Variants in MTRF1 observed in about 807,000 individuals in gnomAD.
MTRF1 encodes peptide chain release factor 1, mitochondrial.
MTRF1 carries 51 observed loss-of-function variants against 62.9 expected under a neutral mutation model. That is an observed-to-expected ratio of 0.81 (90% CI 0.65 to 1.02). The LOEUF (loss-of-function observed/expected upper bound fraction) is 1.02. MTRF1 is among the 50% of genes least tolerant of loss of function. The pLI is 0.00. For missense variants in MTRF1, 446 were observed against 530.0 expected (o/e 0.84, Z 1.56); for synonymous variants, 158 against 181.9 (o/e 0.87, Z 1.06).
At chr13:41,240,558 G>A (rs1308328926) in intron 5 of MTRF1, 125 bp from the exon 6 acceptor site, 7 of 713,274 alleles carry the variant, frequency 9.8e-6, no homozygotes, top group Non-Finnish European at 4.1e-6. Flanking sequence ...TAAAGCATGG[G>A]AGAACGAGGG....
chr13:41,238,868 C>T (rs1566106613), intron 6 of MTRF1, among the ~76,000 whole-genome samples: 1 of 151,994 alleles, frequency 6.6e-6, no homozygotes, highest in African/African-American at 2.4e-5. Context: ...GTAACCTGCA[C>T]AGAATGGAAC....
At chr13:41,284,625 C>A in the MTRF1 span, among the ~76,000 whole-genome samples, 1 of 151,782 alleles carries the variant, frequency 6.6e-6, no homozygotes, top group Non-Finnish European at 1.5e-5. Flanking sequence ...TCAACAGGCT[C>A]TAAATTAATT....
intron 6 of MTRF1, among the ~76,000 whole-genome samples, chr13:41,238,834 A>G (rs2037093542): frequency 6.6e-6 from 1 of 152,220 alleles, no homozygotes; most frequent in Non-Finnish European, 1.5e-5. Flanking sequence ...AACTGCACCT[A>G]TGAAGTATTC....
chr13:41,276,531 T>A, the MTRF1 span, among the ~76,000 whole-genome samples: 71 of 152,292 alleles, frequency 4.7e-4, no homozygotes, highest in Middle Eastern at 3.4e-3. Flanking sequence ...GCTGGGGTCA[T>A]CTTTTAGTTA....
the MTRF1 span, among the ~76,000 whole-genome samples, chr13:41,270,762 C>T: frequency 1.6e-4 from 24 of 149,570 alleles, no homozygotes; most frequent in South Asian, 1.1e-3. Flanking sequence ...TTTTTTGAGA[C>T]GAAATTTCAC....
At chr13:41,278,951 G>A in the MTRF1 span, among the ~76,000 whole-genome samples, 1 of 151,920 alleles carries the variant, frequency 6.6e-6, no homozygotes, top group Non-Finnish European at 1.5e-5. Flanking sequence ...CCTCCTTTTC[G>A]GAATTACTGA....
At chr13:41,273,288 T>C in the MTRF1 span, among the ~76,000 whole-genome samples, 24 of 149,124 alleles carry the variant, frequency 1.6e-4, no homozygotes, top group Non-Finnish European at 2.4e-4. Context: ...ATCGCGCCAC[T>C]GCACTCCAGC....
At chr13:41,263,675 C>T (rs906873534), upstream of MTRF1, 1 of 159,574 alleles carries the variant, frequency 6.3e-6, no homozygotes, top group Non-Finnish European at 1.4e-5. Flanking sequence ...GCATGCCTAA[C>T]AATGGACTAA....
At chr13:41,225,680 G>A (rs137956201) in intron 8 of MTRF1, among the ~76,000 whole-genome samples, 51 of 151,570 alleles carry the variant, frequency 3.4e-4, no homozygotes, top group African/African-American at 1.1e-3. Flanking sequence ...GTAGTGGCAC[G>A]TGCCTGTAAT....
intron 5 of MTRF1, among the ~76,000 whole-genome samples, chr13:41,248,947 G>A (rs2038653621): frequency 1.3e-5 from 2 of 151,990 alleles, no homozygotes; most frequent in Admixed American, 6.6e-5. Flanking sequence ...CATTTAGTTT[G>A]AACTATTTCT....
At chr13:41,245,417 T>C (rs2038115053) in intron 5 of MTRF1, among the ~76,000 whole-genome samples, 1 of 152,236 alleles carries the variant, frequency 6.6e-6, no homozygotes, top group East Asian at 1.9e-4. Flanking sequence ...ATTTTTAAAA[T>C]TTTTTGTAGA....
chr13:41,304,423 T>C, the MTRF1 span, among the ~76,000 whole-genome samples: 41 of 152,310 alleles, frequency 2.7e-4, no homozygotes, highest in African/African-American at 7.7e-4. Flanking sequence ...TACAGACGTG[T>C]GCCTGGGCTT....
At chr13:41,223,196 G>A in intron 9 of MTRF1, 60 bp downstream of exon 9, 1 of 1,210,622 alleles carries the variant, frequency 8.3e-7, no homozygotes, top group Non-Finnish European at 1.2e-6. Flanking sequence ...ATATGTTCTA[G>A]AATTTGACTA....
At chr13:41,227,825 C>G in intron 7 of MTRF1, among the ~76,000 whole-genome samples, 1 of 152,222 alleles carries the variant, frequency 6.6e-6, no homozygotes, top group East Asian at 1.9e-4. Context: ...CCTGCTAATA[C>G]TTTTAGTAGG....
At chr13:41,285,181 G>C in the MTRF1 span, among the ~76,000 whole-genome samples, 1 of 152,152 alleles carries the variant, frequency 6.6e-6, no homozygotes, top group Admixed American at 6.5e-5. Flanking sequence ...GCAATCTGTA[G>C]TCAATGATGG....
chr13:41,272,148 T>C, the MTRF1 span, among the ~76,000 whole-genome samples: 1 of 152,090 alleles, frequency 6.6e-6, no homozygotes, highest in South Asian at 2.1e-4. Context: ...AAAACAGAGC[T>C]TGAGACCTAA....
the MTRF1 span, among the ~76,000 whole-genome samples, chr13:41,273,482 C>T: frequency 1.3e-5 from 2 of 152,150 alleles, no homozygotes; most frequent in African/African-American, 2.4e-5. Flanking sequence ...CTCAGGAGGT[C>T]CTGACAACAA....
At chr13:41,269,517 A>G in the MTRF1 span, among the ~76,000 whole-genome samples, 3 of 149,912 alleles carry the variant, frequency 2.0e-5, no homozygotes, top group African/African-American at 7.3e-5. Flanking sequence ...TATTTTGTAC[A>G]AAACCTTTAA....
chr13:41,255,879 C>T (rs1244793829), intron 2 of MTRF1, among the ~76,000 whole-genome samples: 1 of 152,134 alleles, frequency 6.6e-6, no homozygotes, highest in Non-Finnish European at 1.5e-5. Context: ...ACCTTTGACT[C>T]CACTGCTTTA....
Sources: allele counts gnomAD v4.1 joint callset (sites outside exome capture counted in the v4.1 genomes callset), GRCh38; gene constraint gnomAD v4.1.1; transcripts MANE v1.5; gene names NCBI Gene and HGNC (gene_info 2026-07-23, HGNC 2026-07-21).